GRIN2A: variants seen among roughly 807,000 people sequenced by gnomAD.
GRIN2A encodes glutamate ionotropic receptor NMDA type subunit 2A.
A neutral mutation model predicts 113.4 loss-of-function variants in GRIN2A; 22 were observed. The observed-to-expected ratio is 0.19, with a 90% CI of 0.14 to 0.28. GRIN2A has a LOEUF of 0.28. Among genes scored for constraint, GRIN2A ranks in the 10% least tolerant of loss-of-function variants. The pLI is 1.00. For synonymous variants in GRIN2A, 827 were observed against 738.4 expected (o/e 1.12, Z -1.94); for missense variants, 1,502 against 1,887.0 (o/e 0.80, Z 3.78).
chr16:9,900,117 C>T (rs567199479), intron 3 of GRIN2A, among the ~76,000 whole-genome samples: 4 of 152,302 alleles, frequency 2.6e-5, no homozygotes, highest in African/African-American at 9.6e-5. Flanking sequence ...GTAGGGGTAG[C>T]AGTAGTTGTC....
intron 3 of GRIN2A, among the ~76,000 whole-genome samples, chr16:9,925,692 A>G (rs898030377): frequency 2.6e-5 from 4 of 152,172 alleles, no homozygotes; most frequent in African/African-American, 9.7e-5. Flanking sequence ...CAGGGTCTTA[A>G]AAACAATCAT....
intron 2 of GRIN2A, among the ~76,000 whole-genome samples, chr16:9,987,342 C>G (rs1445158863): frequency 6.6e-6 from 1 of 152,190 alleles, no homozygotes; most frequent in Non-Finnish European, 1.5e-5. Context: ...AAAGCCAACT[C>G]ACTCCCATTT....
At chr16:9,968,580 T>C (rs1034838322) in intron 2 of GRIN2A, among the ~76,000 whole-genome samples, 2 of 152,076 alleles carry the variant, frequency 1.3e-5, no homozygotes, top group African/African-American at 4.8e-5. Context: ...CCCAAAGTGC[T>C]GGAATTACAG....
intron 2 of GRIN2A, among the ~76,000 whole-genome samples, chr16:10,091,943 G>A (rs560370889): frequency 2.0e-5 from 3 of 152,098 alleles, no homozygotes; most frequent in South Asian, 4.1e-4. Flanking sequence ...TTGGGGTGAT[G>A]GTTGCAAAAT....
Position 9,761,027 on chromosome 16 carries a change from A to G in GRIN2A, c.*2122T>C, listed in dbSNP as rs934570150. 4.3e-6 allele frequency: 1 copy of G among 232,776 alleles called. No homozygotes were observed. Among genetic ancestry groups the G allele is most frequent in the Non-Finnish European group, 8.5e-6 (1 of 117,806 alleles). 14.4% of individuals were successfully genotyped at this position (232,776 alleles called of 1,614,324 possible). Reference sequence around the variant, plus strand: ...AGAGGTACAGCATCCGGGAAATAAAATGTCATTTTCAAGCACATGCATCCC... The same window carrying G: ...AGAGGTACAGCATCCGGGAAATAAAGTGTCATTTTCAAGCACATGCATCCC... On this transcript the variant is annotated 3_prime_UTR_variant, in exon 13 of 13. Coordinates refer to ENST00000330684, the MANE Select transcript of GRIN2A (RefSeq NM_001134407.3).
chr16:10,009,615 C>A (rs187376045), intron 2 of GRIN2A, among the ~76,000 whole-genome samples: 1 of 152,262 alleles, frequency 6.6e-6, no homozygotes, highest in African/African-American at 2.4e-5. Context: ...TGCCTGAGCT[C>A]ACCTGGGCAC....
chr16:9,994,607 C>G (rs2046187650), intron 2 of GRIN2A, among the ~76,000 whole-genome samples: 1 of 152,086 alleles, frequency 6.6e-6, no homozygotes, highest in African/African-American at 2.4e-5. Flanking sequence ...TGATTTGTAT[C>G]AAAACAGACA....
At chr16:10,148,971 T>C (rs1396412745) in intron 2 of GRIN2A, among the ~76,000 whole-genome samples, 2 of 152,096 alleles carry the variant, frequency 1.3e-5, no homozygotes, top group Non-Finnish European at 2.9e-5. Context: ...CAGACACAGA[T>C]AGACAAACTT....
intron 2 of GRIN2A, among the ~76,000 whole-genome samples, chr16:9,956,345 A>T (rs947213829): frequency 1.3e-5 from 2 of 152,166 alleles, no homozygotes; most frequent in South Asian, 4.1e-4. Flanking sequence ...TTCTCAGGGG[A>T]TCTATGCAAG....
chr16:9,807,846 T>G (rs888208965), intron 10 of GRIN2A, among the ~76,000 whole-genome samples: 1 of 152,198 alleles, frequency 6.6e-6, no homozygotes, highest in Non-Finnish European at 1.5e-5. Flanking sequence ...TCTCTAAGCC[T>G]TGATTTCCCC....
intron 9 of GRIN2A, among the ~76,000 whole-genome samples, chr16:9,825,013 A>G (rs1485295665): frequency 1.3e-5 from 2 of 152,118 alleles, no homozygotes; most frequent in Admixed American, 6.5e-5. Context: ...TATGGGCTTT[A>G]GCAAAGGAAG....
At chr16:9,978,989 G>T (rs1490703706) in intron 2 of GRIN2A, among the ~76,000 whole-genome samples, 1 of 152,192 alleles carries the variant, frequency 6.6e-6, no homozygotes, top group Non-Finnish European at 1.5e-5. Context: ...AACCTGTGAA[G>T]AAATCCTGAC....
intron 10 of GRIN2A, among the ~76,000 whole-genome samples, chr16:9,819,797 C>G (rs2042246414): frequency 6.6e-6 from 1 of 151,810 alleles, no homozygotes; most frequent in Admixed American, 6.6e-5. Flanking sequence ...AACCCTGTCT[C>G]TACAAAAACA....
At chr16:10,051,987 CT>C (rs977791346) in intron 2 of GRIN2A, among the ~76,000 whole-genome samples, 2 of 152,194 alleles carry the variant, frequency 1.3e-5, no homozygotes, top group African/African-American at 4.8e-5. Context: ...CTTGTTTGTG[CT>C]GAGAGATCTC....
At chr16:9,917,364 G>T (rs2044272928) in intron 3 of GRIN2A, among the ~76,000 whole-genome samples, 1 of 152,212 alleles carries the variant, frequency 6.6e-6, no homozygotes, top group Non-Finnish European at 1.5e-5. Context: ...TCCCCTGTGG[G>T]GTTTGGCACT....
rs757427207 is a variant in GRIN2A at position 9,764,183 on chromosome 16, C to G, written c.3361G>C (p.Asp1121His). 2 of 1,613,668 alleles carry G rather than the reference C, an allele frequency of 1.2e-6. No homozygotes were observed. Among genetic ancestry groups the G allele is most frequent in the Non-Finnish European group, 8.5e-7 (1 of 1,179,866 alleles). ...TGGAAACCAGGCTCCTTCTCACCATCTATAGTGTAGATCTTGTCTCTAGGG... is the reference window on the plus strand; with the variant it reads ...TGGAAACCAGGCTCCTTCTCACCATGTATAGTGTAGATCTTGTCTCTAGGG... ...SSPRDKIYTI[D>H]GEKEPGFHLD... The change falls in exon 13 of 13, where the codon GAT becomes CAT. Residue 1121 changes from aspartate to histidine, a missense_variant. Physicochemically the swap from Asp to His is moderately conservative, Grantham distance 81. Coordinates refer to ENST00000330684, the MANE Select transcript of GRIN2A (RefSeq NM_001134407.3).
chr16:9,880,266 T>C (rs953702485), intron 4 of GRIN2A, among the ~76,000 whole-genome samples: 1 of 152,174 alleles, frequency 6.6e-6, no homozygotes, highest in Non-Finnish European at 1.5e-5. Flanking sequence ...GGCCCCTGCA[T>C]TCCTTATCAT....
intron 11 of GRIN2A, among the ~76,000 whole-genome samples, chr16:9,791,178 T>C (rs904271345): frequency 5.9e-5 from 9 of 152,144 alleles, no homozygotes; most frequent in Admixed American, 5.2e-4. Flanking sequence ...AGTGTAGAGA[T>C]AAGGGAGTTC....
chr16:9,789,587 CACAA>C (rs1011427698), intron 11 of GRIN2A, among the ~76,000 whole-genome samples: 3 of 128,122 alleles, frequency 2.3e-5, no homozygotes, highest in South Asian at 2.3e-4. Flanking sequence ...CACACACACA[CACAA>C]ACACATAAAT....
Sources: gnomAD v4.1 joint callset for allele counts (sites outside exome capture counted in the v4.1 genomes callset) on GRCh38, gnomAD v4.1.1 for gene constraint, MANE v1.5 for transcripts, NCBI Gene and HGNC (gene_info 2026-07-23, HGNC 2026-07-21) for gene names.